ROBO1: variants seen among roughly 807,000 people sequenced by gnomAD.
ROBO1 encodes the protein roundabout guidance receptor 1.
Under a neutral mutation model 195.9 loss-of-function variants are expected in ROBO1, and 149 were observed. The ratio of observed to expected loss-of-function variants is 0.76; its 90% CI spans 0.67 to 0.87. The LOEUF (loss-of-function observed/expected upper bound fraction) is 0.87, where lower values mean the gene tolerates loss of function less well. Among genes scored for constraint, ROBO1 ranks in the 40% least tolerant of loss-of-function variants. The pLI is 0.00. For missense variants in ROBO1, 1,933 were observed against 2,068.3 expected, an observed-to-expected ratio of 0.93 and a Z score of 1.27; for synonymous variants, 816 against 733.2, an observed-to-expected ratio of 1.11 and a Z score of -1.82.
At chr3:78,882,397 T>C (rs2036232879) in intron 4 of ROBO1, among the ~76,000 whole-genome samples, 1 of 152,198 alleles carries the variant, frequency 6.6e-6, no homozygotes, top group Non-Finnish European at 1.5e-5. Flanking sequence ...GTGAACCTCC[T>C]GCACTTTCAC....
chr3:79,022,868 A>G (rs1011229834), intron 3 of ROBO1, among the ~76,000 whole-genome samples: 1 of 152,198 alleles, frequency 6.6e-6, no homozygotes, highest in Non-Finnish European at 1.5e-5. Flanking sequence ...AGTCCCGTGA[A>G]GAAGGGCTTT....
chr3:78,627,667 C>T (rs1463199125), intron 25 of ROBO1, 98 bp from the exon 26 acceptor site: 6 of 1,294,966 alleles, frequency 4.6e-6, no homozygotes, highest in Non-Finnish European at 6.3e-6. Context: ...TTTTTCAAAT[C>T]TGAACGTTCT....
intron 3 of ROBO1, among the ~76,000 whole-genome samples, chr3:79,015,867 G>T (rs1011676537): frequency 4.6e-5 from 7 of 152,114 alleles, no homozygotes; most frequent in Non-Finnish European, 4.4e-5. Context: ...GAAGAAAACT[G>T]TTGGACTTTG....
chr3:78,807,089 T>C (rs1170836902), intron 4 of ROBO1, among the ~76,000 whole-genome samples: 1 of 152,054 alleles, frequency 6.6e-6, no homozygotes, highest in African/African-American at 2.4e-5. Flanking sequence ...ATTACAGGAG[T>C]GAGCCACCGT....
intron 1 of ROBO1, among the ~76,000 whole-genome samples, chr3:79,749,970 C>T (rs1421231572): frequency 6.6e-6 from 1 of 152,176 alleles, no homozygotes; most frequent in African/African-American, 2.4e-5. Context: ...ATGGTAGATC[C>T]ACCAACAGCT....
chr3:79,614,165 T>C (rs970809721), intron 1 of ROBO1, among the ~76,000 whole-genome samples: 3 of 152,088 alleles, frequency 2.0e-5, no homozygotes, highest in Non-Finnish European at 4.4e-5. Context: ...TAGATATTTA[T>C]AGAACACTCT....
At chr3:79,550,816 AC>A (rs1376741550) in intron 2 of ROBO1, among the ~76,000 whole-genome samples, 1 of 152,190 alleles carries the variant, frequency 6.6e-6, no homozygotes, top group African/African-American at 2.4e-5. Flanking sequence ...AGATGTTGTG[AC>A]AAAACGGGAT....
At chr3:79,154,884 A>C (rs2080832130) in intron 2 of ROBO1, among the ~76,000 whole-genome samples, 2 of 151,848 alleles carry the variant, frequency 1.3e-5, no homozygotes, top group Non-Finnish European at 2.9e-5. Flanking sequence ...TGATATTTGC[A>C]ATCAGTTTAT....
At chr3:79,163,855 G>A (rs1222013647) in intron 2 of ROBO1, among the ~76,000 whole-genome samples, 3 of 152,102 alleles carry the variant, frequency 2.0e-5, no homozygotes, top group Non-Finnish European at 4.4e-5. Context: ...GTCATTATAA[G>A]ATGACTTCTT....
chr3:79,677,397 C>G (rs1023481384), intron 1 of ROBO1, among the ~76,000 whole-genome samples: 3 of 151,860 alleles, frequency 2.0e-5, no homozygotes, highest in African/African-American at 7.3e-5. Context: ...GGGGAAGCCT[C>G]ACAATCATGG....
chr3:79,119,094 C>T (rs2080067858), intron 3 of ROBO1, among the ~76,000 whole-genome samples: 1 of 152,056 alleles, frequency 6.6e-6, no homozygotes, highest in Non-Finnish European at 1.5e-5. Context: ...TATTTGTTCA[C>T]TTGGAAAGGT....
intron 2 of ROBO1, among the ~76,000 whole-genome samples, chr3:79,446,453 A>G (rs1407493135): frequency 6.6e-6 from 1 of 152,164 alleles, no homozygotes; most frequent in African/African-American, 2.4e-5. Context: ...CATTATAGCT[A>G]TTTTTTAGTG....
chr3:79,139,160 T>C (rs1009890858), intron 2 of ROBO1, among the ~76,000 whole-genome samples: 2 of 151,486 alleles, frequency 1.3e-5, no homozygotes, highest in African/African-American at 4.8e-5. Flanking sequence ...TTTATGCTAT[T>C]ATATATGTAT....
intron 2 of ROBO1, among the ~76,000 whole-genome samples, chr3:79,527,527 CTTTAA>C (rs201504985): frequency 0.015 from 2,336 of 152,098 alleles, 32 homozygotes; most frequent in Non-Finnish European, 0.026. Flanking sequence ...TACAACACTA[CTTTAA>C]TTTATCTCTA....
At chr3:79,274,268 AT>A (rs949444607) in intron 2 of ROBO1, among the ~76,000 whole-genome samples, 7 of 151,038 alleles carry the variant, frequency 4.6e-5, no homozygotes, top group African/African-American at 9.7e-5. Flanking sequence ...GTTAGGCCAC[AT>A]TTTTTTTTAA....
At chr3:79,698,351 A>G (rs1376587027) in intron 1 of ROBO1, among the ~76,000 whole-genome samples, 1 of 151,466 alleles carries the variant, frequency 6.6e-6, no homozygotes, top group Non-Finnish European at 1.5e-5. Context: ...TACCTTTATT[A>G]TTGGTTAAAA....
chr3:79,123,740 T>C (rs1221724270), intron 3 of ROBO1, among the ~76,000 whole-genome samples: 1 of 152,054 alleles, frequency 6.6e-6, no homozygotes, highest in African/African-American at 2.4e-5. Context: ...AGTTCCATTA[T>C]AGACTATAAA....
Position 79,503,280 on chromosome 3 carries a change from G to A in ROBO1, c.88+86544C>T, listed in dbSNP as rs139040976. Among the ~76,000 whole-genome samples the A allele has an allele frequency of 9.0e-3, 1,364 of 152,202 alleles. 12 individuals are homozygous for A. The highest frequency in any genetic ancestry group is 0.031 in the Middle Eastern group (9 of 294). On this transcript the variant is annotated intron_variant, in intron 2 of 30. Transcript: ENST00000464233. Reference sequence around the variant, plus strand: ...CAGGAAAGTCTGCAGCTTCACTCCTGAGCCAGGAAGATCACGAACCCACCA... The same window carrying A: ...CAGGAAAGTCTGCAGCTTCACTCCTAAGCCAGGAAGATCACGAACCCACCA...
intron 2 of ROBO1, among the ~76,000 whole-genome samples, chr3:79,439,195 T>C (rs968564572): frequency 1.3e-5 from 2 of 152,174 alleles, no homozygotes; most frequent in Non-Finnish European, 2.9e-5. Context: ...TCTACAATGC[T>C]TATATAAAGG....
Sources: gnomAD v4.1 joint callset for allele counts (sites outside exome capture counted in the v4.1 genomes callset) on GRCh38, gnomAD v4.1.1 for gene constraint, MANE v1.5 for transcripts, NCBI Gene and HGNC (gene_info 2026-07-23, HGNC 2026-07-21) for gene names.